ZFPM2: variants seen among roughly 807,000 people sequenced by gnomAD.
The protein encoded by ZFPM2 is zinc finger protein ZFPM2.
Under a neutral mutation model 98.6 loss-of-function variants are expected in ZFPM2, and 20 were observed. The observed-to-expected ratio is 0.20, with a 90% CI of 0.14 to 0.29. The LOEUF is 0.29. ZFPM2 is among the 10% of genes least tolerant of loss of function. The pLI is 1.00. For synonymous variants in ZFPM2, 518 were observed against 502.7 expected, an observed-to-expected ratio of 1.03 and a Z score of -0.41; for missense variants, 1,310 against 1,388.6, an observed-to-expected ratio of 0.94 and a Z score of 0.90.
At chr8:105,376,471 G>A (rs922080687) in intron 1 of ZFPM2, among the ~76,000 whole-genome samples, 1 of 151,984 alleles carries the variant, frequency 6.6e-6, no homozygotes, top group African/African-American at 2.4e-5. Context: ...ATTCTCCCTG[G>A]ACCTTCAGAC....
intron 1 of ZFPM2, among the ~76,000 whole-genome samples, chr8:105,402,957 T>A (rs969997720): frequency 2.0e-4 from 31 of 152,096 alleles, no homozygotes; most frequent in African/African-American, 7.0e-4. Context: ...TTTCATAACC[T>A]TTCCCTTGCA....
intron 1 of ZFPM2, among the ~76,000 whole-genome samples, chr8:105,347,389 C>A (rs2129693692): frequency 6.6e-6 from 1 of 152,170 alleles, no homozygotes; most frequent in Non-Finnish European, 1.5e-5. Context: ...TTTACTTTTA[C>A]TCTATGGAGT....
At chr8:105,798,556 A>G in intron 6 of ZFPM2, 168 bp from the exon 7 acceptor site, 1 of 575,526 alleles carries the variant, frequency 1.7e-6, no homozygotes, top group Non-Finnish European at 3.1e-6. Context: ...CATTTCTTTA[A>G]AAGTCGAGTC....
At chr8:105,785,342 C>CACAG (rs1813383794) in intron 5 of ZFPM2, 1 of 146,586 alleles carries the variant, frequency 6.8e-6, no homozygotes, top group African/African-American at 2.8e-5. Context: ...CACACGCACA[C>CACAG]GCACACTTGG....
chr8:105,351,388 T>G (rs1012290396), intron 1 of ZFPM2, among the ~76,000 whole-genome samples: 4 of 151,850 alleles, frequency 2.6e-5, no homozygotes, highest in Non-Finnish European at 5.9e-5. Flanking sequence ...TGTGTTTGTG[T>G]GTGTGTGTGT....
chr8:105,534,884 G>C (rs1054861512), intron 3 of ZFPM2, among the ~76,000 whole-genome samples: 3 of 152,080 alleles, frequency 2.0e-5, no homozygotes, highest in Non-Finnish European at 4.4e-5. Context: ...GAACATATTG[G>C]GGGGAGTCAG....
chr8:105,541,971 T>C (rs1172156007), intron 3 of ZFPM2, among the ~76,000 whole-genome samples: 2 of 152,076 alleles, frequency 1.3e-5, no homozygotes, highest in African/African-American at 4.8e-5. Flanking sequence ...TGAAGATGAA[T>C]AACAAGTATT....
At chr8:105,734,472 T>C (rs1812021888) in intron 5 of ZFPM2, among the ~76,000 whole-genome samples, 1 of 151,952 alleles carries the variant, frequency 6.6e-6, no homozygotes, top group South Asian at 2.1e-4. Context: ...TGTAATGCTG[T>C]CTGCAGAGAA....
intron 3 of ZFPM2, among the ~76,000 whole-genome samples, chr8:105,486,984 A>G (rs1813241268): frequency 6.6e-6 from 1 of 152,192 alleles, no homozygotes; most frequent in Admixed American, 6.5e-5. Flanking sequence ...CAATTAGGAT[A>G]AACTCACAAG....
chr8:105,532,484 C>T (rs1285087086), intron 3 of ZFPM2, among the ~76,000 whole-genome samples: 5 of 152,176 alleles, frequency 3.3e-5, no homozygotes, highest in Non-Finnish European at 5.9e-5. Flanking sequence ...TATTGCTCTA[C>T]AGCCATAAGA....
intron 3 of ZFPM2, among the ~76,000 whole-genome samples, chr8:105,551,678 G>A (rs1814856265): frequency 1.3e-5 from 1 of 77,892 alleles, no homozygotes; most frequent in African/African-American, 1.5e-4. Flanking sequence ...ATAATTTTGT[G>A]ACCTAAAAAT....
intron 5 of ZFPM2, among the ~76,000 whole-genome samples, chr8:105,669,028 A>G (rs938245890): frequency 4.6e-5 from 7 of 152,176 alleles, no homozygotes; most frequent in African/African-American, 1.7e-4. Context: ...GCATTATTCA[A>G]CCTGAGGACT....
chr8:105,788,843 C>G lies in ZFPM2; in HGVS notation c.658C>G (p.Pro220Ala). 1 of 1,613,870 alleles carries G rather than the reference C, an allele frequency of 6.2e-7. No individual in the cohort carries two copies. The highest frequency in any genetic ancestry group is 1.3e-5 in the African/African-American group (1 of 75,022). ...SQMTLTEGMY[P>A]ARLLDSIQLL... is the part of the protein sequence containing the mutation. ...GATGACTCTCACAGAAGGGATGTAC[C>G]CTGCACGCCTGCTGGACTCAATTCA... The change falls in exon 6 of 8, where the codon CCT (proline) becomes GCT (alanine). Residue 220 changes from proline to alanine, a missense_variant. By Grantham distance (27) the Pro-to-Ala change is conservative. Transcript: ENST00000407775.
chr8:105,615,692 G>A (rs1200287193), intron 4 of ZFPM2, among the ~76,000 whole-genome samples: 3 of 152,106 alleles, frequency 2.0e-5, no homozygotes, highest in Non-Finnish European at 4.4e-5. Flanking sequence ...TCTATTTAGA[G>A]TACATGAAAA....
At chr8:105,590,479 G>A (rs1815817632) in intron 4 of ZFPM2, among the ~76,000 whole-genome samples, 1 of 152,182 alleles carries the variant, frequency 6.6e-6, no homozygotes, top group South Asian at 2.1e-4. Context: ...TAAAAATGCT[G>A]TGTTTATTTC....
chr8:105,646,857 T>A (rs963216172), intron 5 of ZFPM2, among the ~76,000 whole-genome samples: 3 of 152,138 alleles, frequency 2.0e-5, no homozygotes, highest in Non-Finnish European at 4.4e-5. Flanking sequence ...AATTCAGATG[T>A]CATATTAGCA....
intron 4 of ZFPM2, among the ~76,000 whole-genome samples, chr8:105,612,139 G>T (rs1216576222): frequency 6.6e-6 from 1 of 152,102 alleles, no homozygotes; most frequent in Non-Finnish European, 1.5e-5. Flanking sequence ...TAAGAACTGG[G>T]TAAGATATAG....
intron 1 of ZFPM2, among the ~76,000 whole-genome samples, chr8:105,364,582 AC>A (rs540979775): frequency 1.3e-5 from 2 of 151,648 alleles, no homozygotes; most frequent in African/African-American, 4.8e-5. Context: ...TAACCTCCAA[AC>A]TTTTTTATAA....
intron 1 of ZFPM2, among the ~76,000 whole-genome samples, chr8:105,394,087 G>A (rs921502567): frequency 9.2e-5 from 14 of 152,004 alleles, no homozygotes; most frequent in African/African-American, 3.1e-4. Context: ...TAGAGTCGGG[G>A]TTTCACCGTG....
Sources: gnomAD v4.1 joint callset for allele counts (sites outside exome capture counted in the v4.1 genomes callset) on GRCh38, gnomAD v4.1.1 for gene constraint, MANE v1.5 for transcripts, NCBI Gene and HGNC (gene_info 2026-07-23, HGNC 2026-07-21) for gene names.